SUSD5: variants seen among roughly 807,000 people sequenced by gnomAD.
The protein encoded by SUSD5 is sushi domain-containing protein 5.
Under a neutral mutation model 29.5 loss-of-function variants are expected in SUSD5, and 33 were observed. That is an observed-to-expected ratio of 1.12 (90% CI 0.85 to 1.49). The LOEUF (loss-of-function observed/expected upper bound fraction) is 1.49. Among genes scored for constraint, SUSD5 ranks in the 40% most tolerant of loss-of-function variants. The pLI is 0.00. For synonymous variants in SUSD5, 308 were observed against 325.3 expected (o/e 0.95, Z 0.57); for missense variants, 776 against 800.6 (o/e 0.97, Z 0.37).
rs944636007 is a variant in SUSD5 at position 33,152,085 on chromosome 3, T to C, written c.*657A>G. On this transcript the variant is annotated 3_prime_UTR_variant, in exon 5 of 5. Coordinates refer to ENST00000309558, the MANE Select transcript of SUSD5 (RefSeq NM_015551.2). Reference sequence around the variant, plus strand: ...TCATACACTTGGTTTATCATGACTATTTATAAAATTTCAGGGCATGAAGCT... The same window carrying C: ...TCATACACTTGGTTTATCATGACTACTTATAAAATTTCAGGGCATGAAGCT... 2 of 152,264 alleles carry C rather than the reference T, an allele frequency of 1.3e-5. No individual in the cohort carries two copies. The highest frequency in any genetic ancestry group is 6.5e-5 in the Admixed American group (1 of 15,282). 9.4% of individuals were successfully genotyped at this position (152,264 alleles called of 1,614,324 possible).
chr3:33,172,862 G>A (rs1017352112), intron 4 of SUSD5, among the ~76,000 whole-genome samples: 11 of 151,854 alleles, frequency 7.2e-5, no homozygotes, highest in Non-Finnish European at 1.3e-4. Flanking sequence ...TGCATTTTAC[G>A]AAGTATTAAT....
chr3:33,214,781 G>T (rs986920817), intron 1 of SUSD5, among the ~76,000 whole-genome samples: 1 of 152,120 alleles, frequency 6.6e-6, no homozygotes, highest in Non-Finnish European at 1.5e-5. Flanking sequence ...GAAGGCAAAT[G>T]AGAATTTTAA....
At chr3:33,160,127 C>T (rs1388829001) in intron 4 of SUSD5, among the ~76,000 whole-genome samples, 4 of 151,974 alleles carry the variant, frequency 2.6e-5, no homozygotes, top group African/African-American at 9.7e-5. Context: ...AAAGCAGAAC[C>T]CAGACTTAAA....
At chr3:33,207,767 A>T (rs1559457172) in intron 3 of SUSD5, 41 bp downstream of exon 3, 4 of 1,392,044 alleles carry the variant, frequency 2.9e-6, no homozygotes, top group Non-Finnish European at 4.0e-6. Flanking sequence ...AATCCCCAAG[A>T]GCACACCCTC....
At chr3:33,177,597 C>G (rs761301740) in intron 3 of SUSD5, among the ~76,000 whole-genome samples, 9 of 152,054 alleles carry the variant, frequency 5.9e-5, no homozygotes, top group Non-Finnish European at 1.2e-4. Context: ...CAGCCTTGAC[C>G]TCTTGGGTTT....
rs113259274 is a variant in SUSD5 at position 33,195,766 on chromosome 3, A to C, written c.409+12042T>G. On this transcript the variant is annotated intron_variant, in intron 3 of 4. Transcript: ENST00000309558. ...AATGAAAAAAAAAAAAACAGAATGC[A>C]ATCTTATATGTTGTTCATATAATCC... Among the ~76,000 whole-genome samples the C allele has an allele frequency of 4.1e-3, 615 of 150,682 alleles. 2 individuals are homozygous for C. The highest frequency in any genetic ancestry group is 0.014 in the African/African-American group (564 of 41,232).
At chr3:33,198,321 C>T (rs1208828110) in intron 3 of SUSD5, among the ~76,000 whole-genome samples, 1 of 152,164 alleles carries the variant, frequency 6.6e-6, no homozygotes, top group African/African-American at 2.4e-5. Context: ...GTGGTAGAAC[C>T]AAGATTCAAA....
At chr3:33,209,659 T>C (rs1157193029) in intron 2 of SUSD5, among the ~76,000 whole-genome samples, 3 of 151,302 alleles carry the variant, frequency 2.0e-5, no homozygotes, top group Non-Finnish European at 4.4e-5. Flanking sequence ...TTCTTTCTTT[T>C]CTTTTTTTTT....
intron 3 of SUSD5, among the ~76,000 whole-genome samples, chr3:33,199,292 G>C (rs1331903280): frequency 6.9e-6 from 1 of 145,654 alleles, no homozygotes; most frequent in Non-Finnish European, 1.5e-5. Context: ...CTTTTTTTTT[G>C]AGACGGAGTC....
At chr3:33,216,762 C>T (rs1449224192) in intron 1 of SUSD5, among the ~76,000 whole-genome samples, 2 of 152,156 alleles carry the variant, frequency 1.3e-5, no homozygotes, top group Admixed American at 6.5e-5. Flanking sequence ...TTCTTCCTCC[C>T]GTCACCATAG....
intron 4 of SUSD5, among the ~76,000 whole-genome samples, chr3:33,158,970 T>C (rs1387325254): frequency 1.3e-5 from 2 of 152,240 alleles, no homozygotes; most frequent in Non-Finnish European, 2.9e-5. Flanking sequence ...TTCTATTTTA[T>C]TCCATGGTAT....
At chr3:33,187,810 C>G (rs375334352) in intron 3 of SUSD5, among the ~76,000 whole-genome samples, 1 of 135,016 alleles carries the variant, frequency 7.4e-6, no homozygotes, top group Non-Finnish European at 1.6e-5. Context: ...CCCCTCCCCC[C>G]ACCCCACAAC....
chr3:33,152,551 A>C lies in SUSD5; in HGVS notation c.*191T>G. ...AGATGGTGGAGGAGACATTGACATGAGTGATGATGTCACCAAAGCCTCCCT... is the reference window on the plus strand; with the variant it reads ...AGATGGTGGAGGAGACATTGACATGCGTGATGATGTCACCAAAGCCTCCCT... On this transcript the variant is annotated 3_prime_UTR_variant, in exon 5 of 5. Transcript: ENST00000309558. 1 of 598,574 alleles carries C rather than the reference A, an allele frequency of 1.7e-6. No individual in the cohort carries two copies. 37.1% of individuals were successfully genotyped at this position (598,574 alleles called of 1,614,324 possible).
At chr3:33,201,367 T>G (rs933153758) in intron 3 of SUSD5, among the ~76,000 whole-genome samples, 1 of 152,142 alleles carries the variant, frequency 6.6e-6, no homozygotes, top group Non-Finnish European at 1.5e-5. Flanking sequence ...AGGTCCAGAG[T>G]GCAGCCGCAG....
chr3:33,202,557 T>C (rs1043710291), intron 3 of SUSD5, among the ~76,000 whole-genome samples: 2 of 151,966 alleles, frequency 1.3e-5, no homozygotes, highest in Admixed American at 6.6e-5. Flanking sequence ...CTGTCTTAGA[T>C]GGGGAGAAAC....
chr3:33,203,517 G>A lies in SUSD5; in HGVS notation c.409+4291C>T, dbSNP rs75484850. Among the ~76,000 whole-genome samples the A allele has an allele frequency of 3.4e-4, 52 of 152,292 alleles. No individual in the cohort carries two copies. In the South Asian group the frequency reaches 5.2e-3, roughly 15 times the overall value. On this transcript the variant is annotated intron_variant, in intron 3 of 4. Transcript: ENST00000309558. ...AGCTGCTCTGGGACGCAGGGCCCTC[G>A]AGCACTGTAACAGTGATGAACCACA... is the stretch of plus-strand genomic sequence containing the variant.
chr3:33,209,957 C>T (rs1179167286), intron 2 of SUSD5, among the ~76,000 whole-genome samples: 1 of 152,154 alleles, frequency 6.6e-6, no homozygotes, highest in Non-Finnish European at 1.5e-5. Flanking sequence ...TCTTTTATAT[C>T]TTTGAACATG....
chr3:33,178,844 G>A (rs1044960765), intron 3 of SUSD5, among the ~76,000 whole-genome samples: 1 of 152,232 alleles, frequency 6.6e-6, no homozygotes, highest in African/African-American at 2.4e-5. Context: ...TTCTGGAAAA[G>A]ATTGTAGAAA....
At chr3:33,156,263 A>G (rs73045351) in intron 4 of SUSD5, among the ~76,000 whole-genome samples, 19,438 of 152,014 alleles carry the variant, frequency 0.13, 1,501 homozygotes, top group East Asian at 0.22. Context: ...CTGGTGTCAA[A>G]TTCCTGACCT....
Sources: allele counts gnomAD v4.1 joint callset (sites outside exome capture counted in the v4.1 genomes callset), GRCh38; gene constraint gnomAD v4.1.1; transcripts MANE v1.5; gene names NCBI Gene and HGNC (gene_info 2026-07-23, HGNC 2026-07-21).